CPS1: variants seen among roughly 807,000 people sequenced by gnomAD.
CPS1 encodes the protein carbamoyl-phosphate synthase 1.
A neutral mutation model predicts 174.6 loss-of-function variants in CPS1; 109 were observed. The ratio of observed to expected loss-of-function variants is 0.62; its 90% CI spans 0.53 to 0.73. The LOEUF (loss-of-function observed/expected upper bound fraction) is 0.73, where lower values mean the gene tolerates loss of function less well. CPS1 is among the 30% of genes least tolerant of loss of function. The probability of loss-of-function intolerance (pLI) is 0.00; values close to 1 mark genes in which losing one functional copy is unlikely to be tolerated. For synonymous variants in CPS1, 637 were observed against 632.0 expected (o/e 1.01, Z -0.12); for missense variants, 1,689 against 1,821.9 (o/e 0.93, Z 1.33).
intron 20 of CPS1, among the ~76,000 whole-genome samples, chr2:210,612,625 A>G (rs1463740351): frequency 1.3e-5 from 2 of 151,948 alleles, no homozygotes; most frequent in Non-Finnish European, 2.9e-5. Context: ...CTTGTCCTTT[A>G]CTATTAACTT....
At chr2:210,565,157 A>C (rs946722865) in intron 1 of CPS1, among the ~76,000 whole-genome samples, 13 of 152,160 alleles carry the variant, frequency 8.5e-5, no homozygotes, top group Non-Finnish European at 1.3e-4. Context: ...ACATATACAT[A>C]GGAAAATTCC....
At chr2:210,635,929 A>G (rs1213559450) in intron 21 of CPS1, among the ~76,000 whole-genome samples, 1 of 140,534 alleles carries the variant, frequency 7.1e-6, no homozygotes, top group Non-Finnish European at 1.6e-5. Flanking sequence ...CCAGGGAAAT[A>G]GCCATTATAT....
At chr2:210,677,628 A>G (rs1324155725) in intron 37 of CPS1, among the ~76,000 whole-genome samples, 1 of 152,176 alleles carries the variant, frequency 6.6e-6, no homozygotes, top group Non-Finnish European at 1.5e-5. Context: ...TATCATATTT[A>G]TTTTTTATGC....
At chr2:210,654,667 T>C (rs1190953021) in intron 29 of CPS1, among the ~76,000 whole-genome samples, 1 of 152,232 alleles carries the variant, frequency 6.6e-6, no homozygotes, top group African/African-American at 2.4e-5. Flanking sequence ...ACTTTAGTTT[T>C]ATAGTTGTAT....
At chr2:210,591,241 A>G (rs1409226702) in intron 9 of CPS1, among the ~76,000 whole-genome samples, 1 of 151,992 alleles carries the variant, frequency 6.6e-6, no homozygotes. Flanking sequence ...TACTCAATCA[A>G]ATGATATTCC....
intron 21 of CPS1, chr2:210,618,286 T>C (rs1303360379): frequency 1.3e-5 from 2 of 152,110 alleles, no homozygotes; most frequent in Non-Finnish European, 2.9e-5. Context: ...AGGGATATTT[T>C]CTATTGTTCA....
intron 21 of CPS1, chr2:210,619,880 A>G (rs981614057): frequency 2.0e-5 from 3 of 150,996 alleles, no homozygotes; most frequent in African/African-American, 7.3e-5. Context: ...TCCCAAATAG[A>G]CTATACCCAC....
chr2:210,477,909 C>A, intron 1 of CPS1: 1 of 920,026 alleles, frequency 1.1e-6, no homozygotes, highest in Non-Finnish European at 1.7e-6. Flanking sequence ...ATCCCACTCA[C>A]AGTCTTTAAG....
At chr2:210,621,851 GATA>G (rs1699540674) in intron 21 of CPS1, among the ~76,000 whole-genome samples, 2 of 152,020 alleles carry the variant, frequency 1.3e-5, no homozygotes, top group African/African-American at 2.4e-5. Context: ...CCAAGGGTAA[GATA>G]ATAATCACAA....
At chr2:210,515,812 C>T (rs1460366699) in intron 1 of CPS1, among the ~76,000 whole-genome samples, 1 of 151,716 alleles carries the variant, frequency 6.6e-6, no homozygotes, top group Non-Finnish European at 1.5e-5. Context: ...TGAGATCTTT[C>T]TAGCTTTTTG....
intron 2 of CPS1, 105 bp from the exon 3 acceptor site, chr2:210,576,241 A>G: frequency 1.6e-6 from 2 of 1,226,222 alleles, no homozygotes; most frequent in Non-Finnish European, 1.2e-6. Flanking sequence ...TTCTTGTTGG[A>G]TTCTTCTCAT....
chr2:210,633,371 C>T (rs1222900692), intron 21 of CPS1, among the ~76,000 whole-genome samples: 3 of 151,966 alleles, frequency 2.0e-5, no homozygotes, highest in Non-Finnish European at 2.9e-5. Flanking sequence ...TCTTCTTTCT[C>T]GTTCTCCCTT....
At chr2:210,491,378 G>A (rs1694873123) in intron 1 of CPS1, among the ~76,000 whole-genome samples, 1 of 118,628 alleles carries the variant, frequency 8.4e-6, no homozygotes. Context: ...GGAATGGTGC[G>A]ATCTTGGCTC....
At chr2:210,672,819 AC>A (rs993305843) in intron 34 of CPS1, 6 of 152,228 alleles carry the variant, frequency 3.9e-5, no homozygotes, top group African/African-American at 1.4e-4. Context: ...TCATCCAGTT[AC>A]ATTTATCTAT....
chr2:210,668,277 G>T lies in CPS1; in HGVS notation c.4094G>T (p.Gly1365Val). Residue 1365 changes from glycine to valine, a missense_variant, in exon 34 of 38, where the codon GGC becomes GTC. Coordinates refer to ENST00000233072, the MANE Select transcript of CPS1 (RefSeq NM_001875.5). ...ATACCCCAGAAAGGCATCCTGATAG[G>T]CATCCAGGTAAGTGGTTTGTGGCTG... The part of the protein sequence containing the change: ...FKIPQKGILI[G>V]IQQSFRPRFL... 6.2e-7 allele frequency: 1 copy of T among 1,611,760 alleles called. No individual in the cohort carries two copies. Among genetic ancestry groups the T allele is most frequent in the South Asian group, 1.1e-5 (1 of 91,038 alleles).
At chr2:210,574,699 A>T (rs547738953) in intron 2 of CPS1, among the ~76,000 whole-genome samples, 2 of 152,120 alleles carry the variant, frequency 1.3e-5, no homozygotes, top group Admixed American at 6.6e-5. Flanking sequence ...AAATCTTGTC[A>T]CATCACAAAA....
At chr2:210,637,400 C>T (rs912877041) in intron 21 of CPS1, among the ~76,000 whole-genome samples, 2 of 152,112 alleles carry the variant, frequency 1.3e-5, no homozygotes, top group African/African-American at 2.4e-5. Flanking sequence ...CTGATTATTA[C>T]TAATGAGCAC....
At chr2:210,603,641 C>A (rs1698803234) in intron 16 of CPS1, among the ~76,000 whole-genome samples, 1 of 151,756 alleles carries the variant, frequency 6.6e-6, no homozygotes, top group Non-Finnish European at 1.5e-5. Flanking sequence ...AGAAACCAAT[C>A]TGAAGACTGA....
intron 1 of CPS1, chr2:210,477,873 C>G: frequency 1.6e-6 from 2 of 1,281,368 alleles, no homozygotes; most frequent in East Asian, 4.9e-5. Context: ...ATTATTTTTT[C>G]TTTAATGATT....
Sources: allele counts gnomAD v4.1 joint callset (sites outside exome capture counted in the v4.1 genomes callset), GRCh38; gene constraint gnomAD v4.1.1; transcripts MANE v1.5; gene names NCBI Gene and HGNC (gene_info 2026-07-23, HGNC 2026-07-21).